ZMYND8: variants seen among roughly 807,000 people sequenced by gnomAD.
ZMYND8 encodes MYND-type zinc finger-containing chromatin reader ZMYND8.
ZMYND8 carries 37 observed loss-of-function variants against 140.8 expected under a neutral mutation model. The ratio of observed to expected loss-of-function variants is 0.26; its 90% CI spans 0.20 to 0.35. The LOEUF (loss-of-function observed/expected upper bound fraction) is 0.35. ZMYND8 is among the 10% of genes least tolerant of loss of function. The pLI is 1.00. For synonymous variants in ZMYND8, 592 were observed against 597.1 expected (o/e 0.99, Z 0.12); for missense variants, 1,068 against 1,570.0 (o/e 0.68, Z 5.40).
intron 8 of ZMYND8, chr20:47,285,938 C>T: frequency 2.8e-6 from 2 of 715,618 alleles, no homozygotes; most frequent in Non-Finnish European, 3.4e-6. Context: ...GGCCTATATT[C>T]CCAGCGTCTT....
At chr20:47,257,421 TAC>T (rs2074822577) in intron 12 of ZMYND8, among the ~76,000 whole-genome samples, 3 of 151,890 alleles carry the variant, frequency 2.0e-5, no homozygotes, top group African/African-American at 7.3e-5. Flanking sequence ...TCATATGCCA[TAC>T]ACACACAAAT....
At chr20:47,227,415 G>A in intron 17 of ZMYND8, 134 bp from the exon 18 acceptor site, 1 of 789,450 alleles carries the variant, frequency 1.3e-6, no homozygotes, top group East Asian at 2.7e-5. Context: ...GTCCAGAGAG[G>A]TGATCACTGG....
rs551810709 is a variant in ZMYND8 at position 47,272,278 on chromosome 20, C to T, written c.1480+4036G>A. ...ATTTTTAGTAGAGACGGGGTTTCAC[C>T]GTGTTAGCCAGGATGGTCTCAATCT... is the stretch of plus-strand genomic sequence containing the variant. On this transcript the variant is annotated intron_variant, in intron 11 of 22. Transcript: ENST00000471951. Among the ~76,000 whole-genome samples, 9 of 152,096 alleles carry T rather than the reference C, an allele frequency of 5.9e-5. 1 individual carries two copies. Among genetic ancestry groups the T allele is most frequent in the East Asian group, 5.8e-4 (3 of 5,140 alleles).
In ZMYND8 at chr20:47,246,304, T is replaced by G; in HGVS notation, c.1988A>C (p.Glu663Ala). The G allele has an allele frequency of 6.2e-7, 1 of 1,614,174 alleles. No homozygotes were observed. The highest frequency in any genetic ancestry group is 8.5e-7 in the Non-Finnish European group (1 of 1,180,036). The change falls in exon 14 of 23, where the codon GAG becomes GCG. Residue 663 changes from glutamate to alanine, a missense_variant. Glu to Ala is a moderately radical substitution (Grantham distance 107). This residue lies in a region of ZMYND8 where 383 missense variants were observed against 431.2 expected (regional missense o/e 0.89). Transcript: ENST00000471951. Reference protein sequence around the residue: ...KKKPKPTNPVEIKEELKSTSP... With the variant: ...KKKPKPTNPVAIKEELKSTSP... ...CGTGCTTTTCAGCTCCTCTTTAATC[T>G]CCACTGGGTTTGTAGGCTTGGGCTT...
chr20:47,348,971 T>C (rs574700165), intron 1 of ZMYND8: 31 of 152,294 alleles, frequency 2.0e-4, no homozygotes, highest in African/African-American at 5.3e-4. Flanking sequence ...GCATCACCAA[T>C]TGATATGGCT....
intron 2 of ZMYND8, among the ~76,000 whole-genome samples, chr20:47,321,891 C>T (rs956918372): frequency 1.5e-5 from 2 of 134,982 alleles, no homozygotes; most frequent in African/African-American, 5.8e-5. Context: ...AACAGAGTCT[C>T]ACTCTGTCAC....
intron 12 of ZMYND8, among the ~76,000 whole-genome samples, chr20:47,259,154 G>A (rs913589565): frequency 6.6e-6 from 1 of 152,176 alleles, no homozygotes; most frequent in African/African-American, 2.4e-5. Flanking sequence ...AGCATGACTG[G>A]CAGAGAGGAA....
intron 12 of ZMYND8, among the ~76,000 whole-genome samples, chr20:47,257,736 CTTAA>C (rs1170488123): frequency 1.3e-5 from 2 of 152,050 alleles, no homozygotes; most frequent in African/African-American, 4.8e-5. Context: ...ACCATATATT[CTTAA>C]TTATAGTGTA....
At chr20:47,317,108 G>C in intron 2 of ZMYND8, among the ~76,000 whole-genome samples, 1 of 152,162 alleles carries the variant, frequency 6.6e-6, no homozygotes, top group East Asian at 1.9e-4. Flanking sequence ...TATGATTTAA[G>C]AGCACACTCT....
chr20:47,222,052 C>CTGG (rs1203655291), intron 19 of ZMYND8, among the ~76,000 whole-genome samples: 1 of 151,978 alleles, frequency 6.6e-6, no homozygotes, highest in East Asian at 1.9e-4. Context: ...AAATAAAGCC[C>CTGG]ATCAACAAGA....
chr20:47,225,698 C>T (rs1186090579), intron 18 of ZMYND8, among the ~76,000 whole-genome samples: 1 of 151,156 alleles, frequency 6.6e-6, no homozygotes, highest in African/African-American at 2.4e-5. Context: ...CTACCTGTGG[C>T]CAGACAGAAC....
intron 16 of ZMYND8, among the ~76,000 whole-genome samples, chr20:47,232,839 AG>A (rs1268723512): frequency 1.3e-5 from 2 of 151,872 alleles, no homozygotes; most frequent in African/African-American, 4.9e-5. Flanking sequence ...AAGAAGTCTC[AG>A]TTTGGTGCTG....
chr20:47,328,816 T>C (rs1233870132), intron 2 of ZMYND8, among the ~76,000 whole-genome samples: 1 of 152,186 alleles, frequency 6.6e-6, no homozygotes, highest in Non-Finnish European at 1.5e-5. Context: ...AATGGGCAAC[T>C]ACCATGAAAT....
At chr20:47,292,869 T>C (rs891110977) in intron 5 of ZMYND8, among the ~76,000 whole-genome samples, 1 of 151,576 alleles carries the variant, frequency 6.6e-6, no homozygotes, top group Admixed American at 6.6e-5. Flanking sequence ...CTGGGCAACA[T>C]AGCGAGACCC....
At chr20:47,280,196 T>G (rs1012413907) in intron 10 of ZMYND8, among the ~76,000 whole-genome samples, 3 of 148,000 alleles carry the variant, frequency 2.0e-5, no homozygotes. Context: ...TCCCAAGACC[T>G]CCAAAGTTGT....
At chr20:47,215,764 A>G (rs369842696) in intron 21 of ZMYND8, among the ~76,000 whole-genome samples, 11 of 152,172 alleles carry the variant, frequency 7.2e-5, no homozygotes, top group African/African-American at 2.4e-4. Context: ...AACCACTACA[A>G]TAAGATACAA....
chr20:47,302,898 C>T (rs962616443), intron 3 of ZMYND8, among the ~76,000 whole-genome samples: 1 of 152,208 alleles, frequency 6.6e-6, no homozygotes, highest in Non-Finnish European at 1.5e-5. Context: ...CACAGGCTCT[C>T]AATCTTGGTA....
At chr20:47,264,860 C>A (rs915660847) in intron 11 of ZMYND8, among the ~76,000 whole-genome samples, 7 of 151,686 alleles carry the variant, frequency 4.6e-5, no homozygotes, top group Non-Finnish European at 1.0e-4. Flanking sequence ...CATGGCGAAG[C>A]CTCATCTCTA....
intron 12 of ZMYND8, among the ~76,000 whole-genome samples, chr20:47,251,387 A>G (rs1341613116): frequency 1.3e-5 from 2 of 151,922 alleles, no homozygotes; most frequent in Non-Finnish European, 2.9e-5. Flanking sequence ...GGAGTTCGAG[A>G]CCAGGCTGGG....
Sources: allele counts gnomAD v4.1 joint callset (sites outside exome capture counted in the v4.1 genomes callset), GRCh38; gene constraint gnomAD v4.1.1; regional missense constraint gnomAD v4.1.1; transcripts MANE v1.5; gene names NCBI Gene and HGNC (gene_info 2026-07-23, HGNC 2026-07-21).